SENP7: variants seen among roughly 807,000 people sequenced by gnomAD.
SENP7 encodes the protein SUMO specific peptidase 7.
A neutral mutation model predicts 141.2 loss-of-function variants in SENP7; 64 were observed. The ratio of observed to expected loss-of-function variants is 0.45; its 90% CI spans 0.37 to 0.56. The LOEUF is 0.56. SENP7 is among the 20% of genes least tolerant of loss of function. The probability of loss-of-function intolerance (pLI) is 0.00; values close to 1 mark genes in which losing one functional copy is unlikely to be tolerated. For missense variants in SENP7, 1,025 were observed against 1,212.2 expected (o/e 0.85, Z 2.29); for synonymous variants, 382 against 426.4 (o/e 0.90, Z 1.28).
chr3:101,399,560 A>G (rs2061071675), intron 5 of SENP7, among the ~76,000 whole-genome samples: 4 of 152,272 alleles, frequency 2.6e-5, no homozygotes, highest in Admixed American at 2.6e-4. Flanking sequence ...GAAACAGCAC[A>G]TATAATGGTG....
intron 3 of SENP7, among the ~76,000 whole-genome samples, chr3:101,468,526 A>G (rs926105318): frequency 5.6e-4 from 85 of 152,356 alleles, no homozygotes; most frequent in Non-Finnish European, 3.5e-4. Flanking sequence ...GAAACCCTAT[A>G]AGCCAGAAGA....
At position 101,460,185 on chromosome 3, in the gene SENP7, T is replaced by C. The variant is rs549378818; in HGVS notation, c.187-1133A>G. Among the ~76,000 whole-genome samples the C allele has an allele frequency of 2.7e-4, 41 of 152,294 alleles. No homozygotes were observed. In the East Asian group the frequency reaches 7.7e-3, roughly 29 times the overall value. On this transcript the variant is annotated intron_variant, in intron 3 of 23. Coordinates refer to ENST00000394095, the MANE Select transcript of SENP7 (RefSeq NM_020654.5). ...TCCCTACCAAAATTCCAACAGCCTG[T>C]TTTGCAGAAATGGACAAACTGATCT... is the stretch of plus-strand genomic sequence containing the variant.
chr3:101,461,451 G>GAATGAAGAGAAGAGATGA (rs1378929237), intron 3 of SENP7, among the ~76,000 whole-genome samples: 3 of 151,852 alleles, frequency 2.0e-5, no homozygotes, highest in African/African-American at 7.3e-5. Flanking sequence ...GTACCCACTA[G>GAATGAAGAGAAGAGATGA]GATGAAGAAT....
At chr3:101,457,424 C>T in intron 4 of SENP7, 2 of 1,558,908 alleles carry the variant, frequency 1.3e-6, no homozygotes, top group East Asian at 2.2e-5. Flanking sequence ...TGTTGGGTAG[C>T]ATTTCTGTCA....
intron 3 of SENP7, among the ~76,000 whole-genome samples, chr3:101,460,477 C>T (rs2063510254): frequency 6.6e-6 from 1 of 152,004 alleles, no homozygotes; most frequent in African/African-American, 2.4e-5. Flanking sequence ...AGTTCTAGAA[C>T]AACTGAACCG....
At chr3:101,436,138 A>C (rs1373460340) in intron 4 of SENP7, among the ~76,000 whole-genome samples, 1 of 152,154 alleles carries the variant, frequency 6.6e-6, no homozygotes, top group Non-Finnish European at 1.5e-5. Flanking sequence ...CAGTGAACTC[A>C]TTTTTGACAC....
Position 101,459,030 on chromosome 3 carries a change from T to G in SENP7, c.209A>C (p.Lys70Thr). 6.3e-7 allele frequency: 1 copy of G among 1,599,718 alleles called. No homozygotes were observed. Among genetic ancestry groups the G allele is most frequent in the Middle Eastern group, 1.7e-4 (1 of 6,010 alleles). ...ATTTTTATGGTCTAGAGAGATGACT[T>G]TATTCCTTAGGCTTCTTTCCCACTA... ...PLQWERSLRN[K>T]VISLDHKNKK... is the part of the protein sequence containing the mutation. Residue 70 changes from lysine (K) to threonine (T), a missense_variant, in exon 4 of 24, where the codon AAA becomes ACA. Physicochemically the swap from Lys to Thr is moderately conservative, Grantham distance 78. Around this residue, in one of 4 missense-constraint regions of SENP7, gnomAD observed 496 missense variants for 503.5 expected, o/e 0.99. Coordinates refer to ENST00000394095, the MANE Select transcript of SENP7 (RefSeq NM_020654.5).
At chr3:101,452,410 A>T (rs1262791278) in intron 4 of SENP7, among the ~76,000 whole-genome samples, 1 of 152,230 alleles carries the variant, frequency 6.6e-6, no homozygotes, top group African/African-American at 2.4e-5. Flanking sequence ...TTGCCAAGAC[A>T]ATCCTAAGCC....
chr3:101,383,144 C>T (rs1453118846), intron 6 of SENP7, among the ~76,000 whole-genome samples: 3 of 152,184 alleles, frequency 2.0e-5, no homozygotes, highest in African/African-American at 7.2e-5. Flanking sequence ...GTCATGGGAG[C>T]AGATCCTTCA....
At chr3:101,501,344 TTATATATATAAA>T (rs1035381150) in intron 1 of SENP7, among the ~76,000 whole-genome samples, 1 of 150,446 alleles carries the variant, frequency 6.6e-6, no homozygotes, top group Non-Finnish European at 1.5e-5. Context: ...AGTAAAATAT[TTATATATATAAA>T]TATATATATA....
At chr3:101,391,327 C>A (rs1242029580) in intron 6 of SENP7, among the ~76,000 whole-genome samples, 5 of 124,406 alleles carry the variant, frequency 4.0e-5, no homozygotes, top group African/African-American at 9.3e-5. Context: ...ACAAAAATCA[C>A]TGGCTACACC....
intron 4 of SENP7, among the ~76,000 whole-genome samples, chr3:101,430,385 G>T (rs1042053272): frequency 6.6e-6 from 1 of 152,142 alleles, no homozygotes; most frequent in Non-Finnish European, 1.5e-5. Context: ...GGTCTATTCA[G>T]AGATTCAATT....
chr3:101,363,997 T>C (rs1394340492), intron 10 of SENP7, among the ~76,000 whole-genome samples: 2 of 152,260 alleles, frequency 1.3e-5, no homozygotes, highest in South Asian at 2.1e-4. Context: ...GTAGGAGGAT[T>C]GCTTGAGCCC....
intron 3 of SENP7, among the ~76,000 whole-genome samples, chr3:101,468,209 G>T (rs1421418008): frequency 6.6e-6 from 1 of 152,184 alleles, no homozygotes; most frequent in East Asian, 1.9e-4. Context: ...GGGACTATGT[G>T]AAAAGACCAA....
At chr3:101,453,755 T>C (rs1354575283) in intron 4 of SENP7, among the ~76,000 whole-genome samples, 4 of 151,960 alleles carry the variant, frequency 2.6e-5, no homozygotes, top group South Asian at 4.1e-4. Context: ...TTAGGAGATA[T>C]ACCTAATGTT....
At chr3:101,371,833 A>G (rs1360746894) in intron 7 of SENP7, among the ~76,000 whole-genome samples, 175 bp downstream of exon 7, 1 of 152,202 alleles carries the variant, frequency 6.6e-6, no homozygotes, top group Non-Finnish European at 1.5e-5. Context: ...TCTAGAAATG[A>G]GTACTACGCT....
chr3:101,420,852 G>A (rs1406239192), intron 4 of SENP7, among the ~76,000 whole-genome samples: 2 of 152,072 alleles, frequency 1.3e-5, no homozygotes, highest in Non-Finnish European at 2.9e-5. Context: ...TCAATGTGAT[G>A]GTTAAAAGGG....
intron 3 of SENP7, among the ~76,000 whole-genome samples, chr3:101,468,519 A>G (rs1253215431): frequency 6.6e-6 from 1 of 152,210 alleles, no homozygotes; most frequent in Non-Finnish European, 1.5e-5. Flanking sequence ...CTCGGAAGAA[A>G]CCCTATAAGC....
In SENP7 at chr3:101,347,875, G is replaced by A; in HGVS notation, c.1834C>T (p.Gln612Ter). 6.9e-7 allele frequency: 1 copy of A among 1,458,984 alleles called. No individual in the cohort carries two copies. The highest frequency in any genetic ancestry group is 9.2e-7 in the Non-Finnish European group (1 of 1,092,794). The allele number at this position is 1,458,984 out of a possible 1,614,324, so 90.4% of individuals were successfully genotyped here. Residue 612 changes from glutamine (Q) to a stop codon, truncating the protein, a stop_gained, in exon 13 of 24, where the codon CAA becomes TAA. Transcript: ENST00000394095. LOFTEE classifies it high-confidence loss of function. ...TTAGAAATCATTTTATACTCACATT[G>A]CTGGCTTAATACAGAGTGTTCTAAT... ...TQLEHSVLSQ[Q>*]SKSSEFIFLE...
Sources: allele counts gnomAD v4.1 joint callset (sites outside exome capture counted in the v4.1 genomes callset), GRCh38; gene constraint gnomAD v4.1.1; regional missense constraint gnomAD v4.1.1; transcripts MANE v1.5; gene names NCBI Gene and HGNC (gene_info 2026-07-23, HGNC 2026-07-21).